Variants in HEMK2 observed in about 807,000 individuals in gnomAD.
The protein encoded by HEMK2 is methyltransferase HEMK2.
At chr21:28,582,955 G>T in the HEMK2 span, among the ~76,000 whole-genome samples, 2 of 152,240 alleles carry the variant, frequency 1.3e-5, no homozygotes, top group East Asian at 1.9e-4. Flanking sequence ...TACAGAATGG[G>T]TGTCATTGAA....
At chr21:28,821,995 T>A in the HEMK2 span, among the ~76,000 whole-genome samples, 21 of 152,296 alleles carry the variant, frequency 1.4e-4, no homozygotes, top group African/African-American at 4.6e-4. Flanking sequence ...AAAAGTGAGA[T>A]AAACACAAAT....
the HEMK2 span, among the ~76,000 whole-genome samples, chr21:28,701,092 C>T: frequency 6.6e-6 from 1 of 152,100 alleles, no homozygotes; most frequent in Non-Finnish European, 1.5e-5. Context: ...TTGATAAACT[C>T]CAACATGCCT....
At chr21:28,876,546 T>C in the HEMK2 span, 1 of 1,082,410 alleles carries the variant, frequency 9.2e-7, no homozygotes, top group South Asian at 1.5e-5. Flanking sequence ...GTGTGCATGA[T>C]CAATAAGCAA....
At chr21:28,737,846 T>C in the HEMK2 span, among the ~76,000 whole-genome samples, 1 of 152,222 alleles carries the variant, frequency 6.6e-6, no homozygotes, top group Non-Finnish European at 1.5e-5. Flanking sequence ...AGGTGTCCAT[T>C]GCTGATTGGC....
the HEMK2 span, among the ~76,000 whole-genome samples, chr21:28,696,223 A>G: frequency 2.0e-5 from 3 of 152,124 alleles, no homozygotes; most frequent in Non-Finnish European, 4.4e-5. Flanking sequence ...CCCACAACAC[A>G]TGGGAATTAT....
the HEMK2 span, among the ~76,000 whole-genome samples, chr21:28,732,389 C>CACA: frequency 1.3e-5 from 2 of 152,224 alleles, no homozygotes; most frequent in African/African-American, 4.8e-5. Context: ...AGCAGAAGCA[C>CACA]ACATGGTCTA....
chr21:28,736,948 A>C, the HEMK2 span, among the ~76,000 whole-genome samples: 2 of 152,204 alleles, frequency 1.3e-5, no homozygotes, highest in African/African-American at 2.4e-5. Flanking sequence ...AAGACTGAAT[A>C]GTTCCCACCT....
At chr21:28,720,834 T>C in the HEMK2 span, among the ~76,000 whole-genome samples, 1,167 of 152,272 alleles carry the variant, frequency 7.7e-3, 53 homozygotes, top group Admixed American at 0.063. Flanking sequence ...CAACTGGAGC[T>C]GGAGAAACAC....
the HEMK2 span, among the ~76,000 whole-genome samples, chr21:28,589,987 A>G: frequency 2.6e-5 from 4 of 152,278 alleles, no homozygotes; most frequent in Non-Finnish European, 2.9e-5. Context: ...TCTTTCCCAC[A>G]CATTTCCAGA....
the HEMK2 span, among the ~76,000 whole-genome samples, chr21:28,863,411 TATATATATATATATATATA>T: frequency 2.4e-3 from 45 of 18,658 alleles, 1 homozygote; most frequent in South Asian, 4.9e-3. Flanking sequence ...AACTCCCTTT[TATATATATATATATATATA>T]TATATATATA....
At chr21:28,863,371 C>T in the HEMK2 span, among the ~76,000 whole-genome samples, 2 of 130,232 alleles carry the variant, frequency 1.5e-5, no homozygotes, top group South Asian at 5.0e-4. Flanking sequence ...TATTGTAGGA[C>T]CTTGTGATTG....
the HEMK2 span, among the ~76,000 whole-genome samples, chr21:28,773,858 C>T: frequency 1.2e-4 from 19 of 152,266 alleles, no homozygotes; most frequent in African/African-American, 4.3e-4. Context: ...AGCAGGAAAA[C>T]TGCTCCCAAG....
chr21:28,631,549 C>T, the HEMK2 span, among the ~76,000 whole-genome samples: 1 of 151,966 alleles, frequency 6.6e-6, no homozygotes, highest in African/African-American at 2.4e-5. Flanking sequence ...TTTGCCCAAC[C>T]CAAAAGTTTC....
At chr21:28,718,097 C>T in the HEMK2 span, among the ~76,000 whole-genome samples, 1 of 152,070 alleles carries the variant, frequency 6.6e-6, no homozygotes, top group African/African-American at 2.4e-5. Context: ...GCTTTTGCTG[C>T]ATCCAGAGAT....
chr21:28,847,160 G>A, the HEMK2 span, among the ~76,000 whole-genome samples: 2 of 152,112 alleles, frequency 1.3e-5, no homozygotes, highest in South Asian at 4.1e-4. Flanking sequence ...CCAGGAATGG[G>A]ATTGGTATTT....
At chr21:28,578,685 G>C in the HEMK2 span, among the ~76,000 whole-genome samples, 1 of 152,172 alleles carries the variant, frequency 6.6e-6, no homozygotes, top group Admixed American at 6.5e-5. Context: ...GGGATAAGCA[G>C]AAACTGTCCC....
At chr21:28,836,040 T>A in the HEMK2 span, among the ~76,000 whole-genome samples, 1 of 152,054 alleles carries the variant, frequency 6.6e-6, no homozygotes, top group Non-Finnish European at 1.5e-5. Flanking sequence ...AAAAGACAAT[T>A]CTAAAAGCTT....
chr21:28,808,250 A>G, the HEMK2 span, among the ~76,000 whole-genome samples: 1 of 152,196 alleles, frequency 6.6e-6, no homozygotes, highest in East Asian at 1.9e-4. Context: ...TCATTTCAGG[A>G]CCACATTACC....
At chr21:28,760,965 TTTATTA>T in the HEMK2 span, among the ~76,000 whole-genome samples, 1 of 152,174 alleles carries the variant, frequency 6.6e-6, no homozygotes, top group Non-Finnish European at 1.5e-5. Context: ...GATCTATTCA[TTTATTA>T]TTGAGTTTAT....
Sources: allele counts gnomAD v4.1 joint callset (sites outside exome capture counted in the v4.1 genomes callset), GRCh38; gene constraint gnomAD v4.1.1; transcripts MANE v1.5; gene names NCBI Gene and HGNC (gene_info 2026-07-23, HGNC 2026-07-21).